The following LHFPL2 variants were observed in gnomAD, a reference collection of about 807,000 sequenced individuals.
LHFPL2 encodes LHFPL tetraspan subfamily member 2, also known as LHFPL tetraspan subfamily member 2 protein.
In LHFPL2, 7 loss-of-function variants were observed where a neutral mutation model predicts 17.5. The ratio of observed to expected loss-of-function variants is 0.40; its 90% CI spans 0.23 to 0.75. LHFPL2 has a LOEUF of 0.75. LHFPL2 is among the 30% of genes least tolerant of loss of function. The pLI is 0.37. For synonymous variants in LHFPL2, 134 were observed against 116.2 expected, an observed-to-expected ratio of 1.15 and a Z score of -0.99; for missense variants, 241 against 294.8, an observed-to-expected ratio of 0.82 and a Z score of 1.34.
At chr5:78,555,683 C>G (rs1454545003) in intron 3 of LHFPL2, among the ~76,000 whole-genome samples, 5 of 152,198 alleles carry the variant, frequency 3.3e-5, no homozygotes, top group African/African-American at 1.2e-4. Context: ...GGGGAAGACC[C>G]CAACAGGCAG....
At chr5:78,617,595 G>A (rs1744665897) in intron 2 of LHFPL2, among the ~76,000 whole-genome samples, 1 of 151,886 alleles carries the variant, frequency 6.6e-6, no homozygotes, top group South Asian at 2.1e-4. Context: ...CAACCCCAGG[G>A]CTGGATTTAG....
chr5:78,515,119 T>C (rs539946590), intron 3 of LHFPL2, among the ~76,000 whole-genome samples: 34 of 152,308 alleles, frequency 2.2e-4, no homozygotes, highest in African/African-American at 7.5e-4. Flanking sequence ...AATCCCCTTA[T>C]ATCCAAAGCC....
intron 2 of LHFPL2, among the ~76,000 whole-genome samples, chr5:78,623,037 G>A (rs1744913902): frequency 6.6e-6 from 1 of 152,112 alleles, no homozygotes; most frequent in Non-Finnish European, 1.5e-5. Flanking sequence ...AGATACAAAT[G>A]GAAGAAAAGA....
intron 1 of LHFPL2, chr5:78,644,709 C>A: frequency 3.9e-6 from 1 of 254,554 alleles, no homozygotes; most frequent in South Asian, 6.0e-5. Context: ...TCTTGCACCT[C>A]TCTGAGCATT....
Position 78,634,783 on chromosome 5 carries a change from G to A in LHFPL2, c.-349-2415C>T, listed in dbSNP as rs115023389. ...ACAGCAAAGGAAGGTCAGGGAGGCAGAACAGACAGTTCTTATCAATTTCTG... is the reference window on the plus strand; with the variant it reads ...ACAGCAAAGGAAGGTCAGGGAGGCAAAACAGACAGTTCTTATCAATTTCTG... On this transcript the variant is annotated intron_variant, in intron 1 of 4. Coordinates refer to ENST00000380345, the MANE Select transcript of LHFPL2 (RefSeq NM_005779.3). Among the ~76,000 whole-genome samples, 850 of 152,366 alleles carry A rather than the reference G, an allele frequency of 5.6e-3. 12 individuals are homozygous for A. Among genetic ancestry groups the A allele is most frequent in the African/African-American group, 0.02 (817 of 41,590 alleles).
intron 3 of LHFPL2, among the ~76,000 whole-genome samples, chr5:78,513,817 C>T (rs1359677888): frequency 2.0e-5 from 3 of 152,236 alleles, no homozygotes; most frequent in South Asian, 2.1e-4. Flanking sequence ...CCTCCCCAGT[C>T]ATGCAGAACT....
chr5:78,630,714 C>A (rs1232120637), intron 2 of LHFPL2, among the ~76,000 whole-genome samples: 1 of 152,186 alleles, frequency 6.6e-6, no homozygotes, highest in Non-Finnish European at 1.5e-5. Context: ...GGAAAGCACA[C>A]ACAGAAACCA....
chr5:78,506,246 CA>C (rs1347249574), intron 4 of LHFPL2, among the ~76,000 whole-genome samples: 1 of 152,204 alleles, frequency 6.6e-6, no homozygotes. Context: ...GAAGGCTACA[CA>C]AGCCTGTGGC....
chr5:78,517,347 C>T (rs1755322456), intron 3 of LHFPL2, among the ~76,000 whole-genome samples: 1 of 152,194 alleles, frequency 6.6e-6, no homozygotes, highest in African/African-American at 2.4e-5. Context: ...AGGTTTCTTT[C>T]TTGATGCCAA....
At chr5:78,595,689 T>C (rs530134535) in intron 2 of LHFPL2, among the ~76,000 whole-genome samples, 1 of 152,098 alleles carries the variant, frequency 6.6e-6, no homozygotes, top group African/African-American at 2.4e-5. Flanking sequence ...TTTTTTAAAA[T>C]TTTTTTTGTA....
intron 3 of LHFPL2, among the ~76,000 whole-genome samples, chr5:78,531,439 A>G (rs1306569052): frequency 6.8e-6 from 1 of 146,462 alleles, no homozygotes; most frequent in African/African-American, 2.5e-5. Context: ...AAAAAAAAAA[A>G]TTCACAATGA....
chr5:78,553,592 T>C (rs1021348939), intron 3 of LHFPL2, among the ~76,000 whole-genome samples: 3 of 152,172 alleles, frequency 2.0e-5, no homozygotes, highest in African/African-American at 7.2e-5. Context: ...ATTTTCCAGG[T>C]TGTATCAACA....
At chr5:78,549,606 C>T (rs1210785114) in intron 3 of LHFPL2, among the ~76,000 whole-genome samples, 1 of 152,110 alleles carries the variant, frequency 6.6e-6, no homozygotes, top group African/African-American at 2.4e-5. Context: ...TCTGAGTAGC[C>T]CTCCAATAAC....
intron 2 of LHFPL2, among the ~76,000 whole-genome samples, chr5:78,581,483 T>C (rs1743136891): frequency 6.6e-6 from 1 of 152,192 alleles, no homozygotes; most frequent in Non-Finnish European, 1.5e-5. Flanking sequence ...CCTAATTTAT[T>C]GAGAGTTTTT....
At chr5:78,508,700 T>G (rs1755011537) in intron 4 of LHFPL2, among the ~76,000 whole-genome samples, 1 of 152,202 alleles carries the variant, frequency 6.6e-6, no homozygotes, top group African/African-American at 2.4e-5. Context: ...GCTCAATGCA[T>G]AGCTTTATTT....
Position 78,603,290 on chromosome 5 carries a change from A to G in LHFPL2, c.-245+28974T>C, listed in dbSNP as rs142415931. Among the ~76,000 whole-genome samples the G allele has an allele frequency of 4.5e-3, 681 of 152,292 alleles. 3 individuals are homozygous for G. The highest frequency in any genetic ancestry group is 6.8e-3 in the Middle Eastern group (2 of 294). ...CACAACCTGTGCTCTTAACCACTAC[A>G]CTGAATTTTCTCATTTATTGATTAG... is the stretch of plus-strand genomic sequence containing the variant. On this transcript the variant is annotated intron_variant, in intron 2 of 4. Transcript: ENST00000380345.
At chr5:78,621,263 A>G (rs1387934686) in intron 2 of LHFPL2, among the ~76,000 whole-genome samples, 2 of 152,190 alleles carry the variant, frequency 1.3e-5, no homozygotes, top group African/African-American at 4.8e-5. Context: ...GCATGGATGC[A>G]GGCAAACCCC....
intron 2 of LHFPL2, among the ~76,000 whole-genome samples, chr5:78,628,766 C>T (rs1246504507): frequency 6.6e-6 from 1 of 152,206 alleles, no homozygotes; most frequent in Non-Finnish European, 1.5e-5. Flanking sequence ...AGAGCTTCAG[C>T]TGTTTGTTTT....
In LHFPL2 at chr5:78,557,025, T is replaced by C. The variant is rs149016166; in HGVS notation, c.-186+7788A>G. 2.3e-4 allele frequency among the ~76,000 whole-genome samples: 35 copies of C among 152,218 alleles called. 1 individual carries two copies. The East Asian group carries it at 6.6e-3, about 29-fold the overall frequency. On this transcript the variant is annotated intron_variant, in intron 3 of 4. Coordinates refer to ENST00000380345, the MANE Select transcript of LHFPL2 (RefSeq NM_005779.3). Reference sequence around the variant, plus strand: ...GCACAACATGCAGGTTTGTTACATATGTAGACATGTGTCTGGCAATCCTAG... The same window carrying C: ...GCACAACATGCAGGTTTGTTACATACGTAGACATGTGTCTGGCAATCCTAG...
Sources: allele counts gnomAD v4.1 joint callset (sites outside exome capture counted in the v4.1 genomes callset), GRCh38; gene constraint gnomAD v4.1.1; transcripts MANE v1.5; gene names NCBI Gene and HGNC (gene_info 2026-07-23, HGNC 2026-07-21).